CHODL: variants seen among roughly 807,000 people sequenced by gnomAD.
The protein encoded by CHODL is chondrolectin.
A neutral mutation model predicts 34.5 loss-of-function variants in CHODL; 29 were observed. The observed-to-expected ratio is 0.84, with a 90% CI of 0.63 to 1.15. CHODL has a LOEUF of 1.15. Ranked by LOEUF, CHODL falls within the 50% of genes most tolerant of loss-of-function variation. The pLI, the probability that CHODL is intolerant of heterozygous loss-of-function variation, is 0.00. For missense variants in CHODL, 332 were observed against 332.5 expected (o/e 1.00, Z 0.01); for synonymous variants, 125 against 116.1 (o/e 1.08, Z -0.49).
At chr21:18,016,494 G>GGCCCAA (rs2064075532) in intron 1 of CHODL, among the ~76,000 whole-genome samples, 1 of 152,220 alleles carries the variant, frequency 6.6e-6, no homozygotes, top group Non-Finnish European at 1.5e-5. Context: ...GCCAGGACCA[G>GGCCCAA]GCCCAAGCCC....
At chr21:18,111,787 T>G (rs1021611995) in intron 2 of CHODL, among the ~76,000 whole-genome samples, 1 of 152,202 alleles carries the variant, frequency 6.6e-6, no homozygotes, top group Non-Finnish European at 1.5e-5. Context: ...ATTTTACCAT[T>G]GCTACCAATA....
At chr21:18,074,451 A>G (rs2064841208) in intron 2 of CHODL, among the ~76,000 whole-genome samples, 1 of 152,164 alleles carries the variant, frequency 6.6e-6, no homozygotes, top group Non-Finnish European at 1.5e-5. Flanking sequence ...TCTTTTGAAG[A>G]CAAAGTAGTA....
At chr21:18,230,727 T>C (rs2073970843) in intron 2 of CHODL, among the ~76,000 whole-genome samples, 1 of 152,110 alleles carries the variant, frequency 6.6e-6, no homozygotes, top group African/African-American at 2.4e-5. Flanking sequence ...TGTCTCTTAA[T>C]AGCATCATTA....
intron 2 of CHODL, among the ~76,000 whole-genome samples, chr21:18,060,902 A>T (rs1445376283): frequency 6.6e-6 from 1 of 152,190 alleles, no homozygotes; most frequent in Admixed American, 6.5e-5. Context: ...CGACTAGGAA[A>T]GATAGTAAAC....
Position 18,201,800 on chromosome 21 carries a change from C to CTTTT in CHODL, c.-44-54690_-44-54687dup, listed in dbSNP as rs547855975. On this transcript the variant is annotated intron_variant, in intron 2 of 6. Transcript: ENST00000400127. ...TGAATAAAGTTCATATTTTTAAAAA[C>CTTTT]TTTTTTTTTTTTTTTTTTTTTTGAG... Among the ~76,000 whole-genome samples the CTTTT allele has an allele frequency of 7.2e-3, 821 of 114,346 alleles. 13 individuals are homozygous for CTTTT. The highest frequency in any genetic ancestry group is 0.018 in the African/African-American group (527 of 29,254). The allele number at this position is 114,346 out of a possible 152,430, so 75.0% of individuals were successfully genotyped here. A position where few individuals can be genotyped will look rare whatever the true frequency, so the allele number is the denominator to read the frequency against.
In CHODL at chr21:17,983,262, G is replaced by A. The variant is rs115547579; in HGVS notation, c.-144-44610G>A. On this transcript the variant is annotated intron_variant, in intron 1 of 6. Coordinates refer to the CHODL transcript ENST00000400127. The stretch of plus-strand genomic sequence containing the variant: ...TGCAATAATCCACTGTGTGGACATA[G>A]TATATGGCACTTAACAACGTCCCTA... Among the ~76,000 whole-genome samples the A allele has an allele frequency of 4.6e-3, 694 of 152,222 alleles. 3 individuals are homozygous for A. Among genetic ancestry groups the A allele is most frequent in the African/African-American group, 0.016 (644 of 41,508 alleles).
rs1215191549 is a variant in CHODL, at chr21:18,203,002, T to TA, written c.-44-53501dup. ...GTTAGAGAATGCTGTCTGATATACA[T>TA]AAAAAATAGTAGTTTAGATGGTAAA... is the stretch of plus-strand genomic sequence containing the variant. On this transcript the variant is annotated intron_variant, in intron 2 of 6. Transcript: ENST00000400127. Among the ~76,000 whole-genome samples, 4 of 152,170 alleles carry TA rather than the reference T, an allele frequency of 2.6e-5. No individual in the cohort carries two copies. In the East Asian group the frequency reaches 5.8e-4, roughly 22 times the overall value.
chr21:18,068,113 T>G (rs963317298), intron 2 of CHODL, among the ~76,000 whole-genome samples: 6 of 152,140 alleles, frequency 3.9e-5, no homozygotes, highest in African/African-American at 1.2e-4. Flanking sequence ...ATTTTGTTCT[T>G]CCTTCAAACT....
intron 2 of CHODL, among the ~76,000 whole-genome samples, chr21:18,057,419 C>T (rs1235054311): frequency 2.6e-5 from 4 of 151,968 alleles, no homozygotes; most frequent in Non-Finnish European, 4.4e-5. Flanking sequence ...GTATACCTCT[C>T]GACCCCACAC....
At chr21:18,126,292 A>G (rs911073944) in intron 2 of CHODL, among the ~76,000 whole-genome samples, 1 of 152,254 alleles carries the variant, frequency 6.6e-6, no homozygotes, top group African/African-American at 2.4e-5. Context: ...AATGGGTTTT[A>G]GCAATAAAGT....
intron 1 of CHODL, among the ~76,000 whole-genome samples, chr21:18,018,316 G>T (rs1323537003): frequency 1.3e-5 from 2 of 152,084 alleles, no homozygotes; most frequent in Admixed American, 1.3e-4. Context: ...ATATAGTATG[G>T]ATATTTGTCT....
At chr21:18,044,935 A>G (rs2064423540) in intron 2 of CHODL, among the ~76,000 whole-genome samples, 1 of 151,996 alleles carries the variant, frequency 6.6e-6, no homozygotes, top group Non-Finnish European at 1.5e-5. Context: ...AGCAGTGAGT[A>G]AGATAGACAG....
At chr21:18,247,549 T>C (rs1215691350) in intron 1 of CHODL, among the ~76,000 whole-genome samples, 1 of 152,126 alleles carries the variant, frequency 6.6e-6, no homozygotes, top group African/African-American at 2.4e-5. Context: ...GGATATATTT[T>C]AGCAAGAAAT....
intron 2 of CHODL, chr21:18,034,685 G>C (rs1358458187): frequency 2.0e-5 from 3 of 152,004 alleles, no homozygotes; most frequent in Non-Finnish European, 4.4e-5. Context: ...AGACTACTGG[G>C]TCAGCAGGCA....
intron 1 of CHODL, among the ~76,000 whole-genome samples, chr21:17,995,925 G>C (rs2063844886): frequency 6.6e-6 from 1 of 152,170 alleles, no homozygotes; most frequent in African/African-American, 2.4e-5. Flanking sequence ...ATCTGTATTT[G>C]ATCCATTTTG....
chr21:17,990,430 G>A (rs200279481), intron 1 of CHODL, among the ~76,000 whole-genome samples: 25 of 151,918 alleles, frequency 1.6e-4, no homozygotes, highest in African/African-American at 4.1e-4. Context: ...TTTTTATATC[G>A]TTCTTTCCTG....
chr21:18,073,255 A>G (rs924108532), intron 2 of CHODL, among the ~76,000 whole-genome samples: 4 of 152,150 alleles, frequency 2.6e-5, no homozygotes, highest in Non-Finnish European at 5.9e-5. Flanking sequence ...TTTTTAAATT[A>G]AGGTGAAAAT....
At chr21:18,100,689 T>G (rs962175244) in intron 2 of CHODL, among the ~76,000 whole-genome samples, 24 of 152,126 alleles carry the variant, frequency 1.6e-4, no homozygotes, top group African/African-American at 5.8e-4. Context: ...TGTGCATGTA[T>G]TGATTTGATA....
intron 1 of CHODL, among the ~76,000 whole-genome samples, chr21:18,008,314 G>T (rs987882214): frequency 5.8e-4 from 8 of 13,706 alleles, no homozygotes; most frequent in African/African-American, 3.9e-3. Context: ...TTCTTTGTTT[G>T]TGTGTGTGTG....
Sources: gnomAD v4.1 joint callset for allele counts (sites outside exome capture counted in the v4.1 genomes callset) on GRCh38, gnomAD v4.1.1 for gene constraint, MANE v1.5 for transcripts, NCBI Gene and HGNC (gene_info 2026-07-23, HGNC 2026-07-21) for gene names.